The following SLC22A8 variants were observed in gnomAD, a reference collection of about 807,000 sequenced individuals.
SLC22A8 encodes organic anion transporter 3.
A neutral mutation model predicts 48.4 loss-of-function variants in SLC22A8; 40 were observed. The observed-to-expected ratio is 0.83, with a 90% CI of 0.64 to 1.08. The LOEUF (loss-of-function observed/expected upper bound fraction) is 1.08. SLC22A8 is among the 50% of genes least tolerant of loss of function. The probability of loss-of-function intolerance (pLI) is 0.00; values close to 1 mark genes in which losing one functional copy is unlikely to be tolerated. For missense variants in SLC22A8, 606 were observed against 699.0 expected (o/e 0.87, Z 1.50); for synonymous variants, 268 against 286.3 (o/e 0.94, Z 0.65).
In SLC22A8 at chr11:62,995,974, G is replaced by A. The variant is rs748295497; in HGVS notation, c.885+55C>T. 5.0e-6 allele frequency: 8 copies of A among 1,612,516 alleles called. 1 individual carries two copies. In the East Asian group the frequency reaches 6.7e-5, roughly 13 times the overall value. On this transcript the variant is annotated intron_variant, in intron 6 of 10. Transcript: ENST00000336232. ...GGAACAGAGGCAAGGGGAGGGGCCA[G>A]CCCAAGAGTGGAGCACAGGGGTTCT...
chr11:63,007,994 C>T (rs889132008), intron 2 of SLC22A8, among the ~76,000 whole-genome samples: 1 of 152,200 alleles, frequency 6.6e-6, no homozygotes, highest in African/African-American at 2.4e-5. Flanking sequence ...CTTGATGCCT[C>T]CCTGCGTGCC....
chr11:63,014,682 C>T lies in SLC22A8; in HGVS notation c.277G>A (p.Glu93Lys), dbSNP rs769406017. ...SLPNDTQRAM[E>K]PCLDGWVYNS... ...TAGACCCAGCCATCCAGGCATGGCT[C>T]CATGGCCCTCTGGGTGTCATTGGGC... Residue 93 changes from glutamate to lysine, a missense_variant, in exon 2 of 11, where the codon GAG (glutamate) becomes AAG (lysine). Transcript: ENST00000336232. The T allele has an allele frequency of 6.2e-7, 1 of 1,613,234 alleles. No homozygotes were observed. The highest frequency in any genetic ancestry group is 1.1e-5 in the South Asian group (1 of 90,980).
At position 62,994,671 on chromosome 11, in the gene SLC22A8, C is replaced by T. The variant is rs2086388736; in HGVS notation, c.1087G>A (p.Gly363Ser). ...VNLYILQIIFGGVDVPAKFIT... is the reference protein window; with the variant it reads ...VNLYILQIIFSGVDVPAKFIT... ...AACTTGGCTGGGACATCGACCCCAC[C>T]AAAGATGATCTGGAGGATGTAGAGG... The change falls in exon 8 of 11, where the codon GGT (glycine) becomes AGT (serine). Residue 363 changes from glycine (G) to serine (S), a missense_variant. Coordinates refer to ENST00000336232, the MANE Select transcript of SLC22A8 (RefSeq NM_004254.4). The T allele has an allele frequency of 1.2e-6, 2 of 1,614,230 alleles. No individual in the cohort carries two copies. The highest frequency in any genetic ancestry group is 1.7e-6 in the Non-Finnish European group (2 of 1,180,042).
intron 2 of SLC22A8, among the ~76,000 whole-genome samples, chr11:63,010,932 T>G (rs560839008): frequency 6.6e-6 from 1 of 152,298 alleles, no homozygotes; most frequent in Admixed American, 6.5e-5. Context: ...TCTACATCCC[T>G]CCCGTCTGTC....
Position 62,993,198 on chromosome 11 carries a change from T to C in SLC22A8, c.*39A>G, listed in dbSNP as rs1314201333. 1 of 1,517,774 alleles carries C rather than the reference T, an allele frequency of 6.6e-7. No individual in the cohort carries two copies. 94.0% of individuals were successfully genotyped at this position (1,517,774 alleles called of 1,614,324 possible). A position where few individuals can be genotyped will look rare whatever the true frequency, so the allele number is the denominator to read the frequency against. On this transcript the variant is annotated 3_prime_UTR_variant, in exon 11 of 11. Coordinates refer to ENST00000336232, the MANE Select transcript of SLC22A8 (RefSeq NM_004254.4). ...ATACTCCTAAGGTGCCTGGCTAGGA[T>C]CAGTCTCTGGAGGGCAGGGAAAGGG...
intron 2 of SLC22A8, among the ~76,000 whole-genome samples, chr11:63,004,483 C>CT (rs1269719306): frequency 6.6e-6 from 1 of 152,278 alleles, no homozygotes; most frequent in East Asian, 1.9e-4. Context: ...ATGTTGTTCT[C>CT]TTTTTCTAGA....
intron 7 of SLC22A8, chr11:62,995,246 A>C: frequency 4.1e-6 from 1 of 241,684 alleles, no homozygotes; most frequent in Non-Finnish European, 8.1e-6. Flanking sequence ...ACCAGGTCAC[A>C]GAAAGGGCTT....
intron 3 of SLC22A8, 99 bp downstream of exon 3, chr11:63,000,621 C>A: frequency 1.2e-6 from 1 of 819,606 alleles, no homozygotes; most frequent in East Asian, 2.6e-5. Context: ...CCCACCCTCC[C>A]CCAGCTCTTT....
At chr11:62,997,632 C>G (rs1265614406) in intron 5 of SLC22A8, among the ~76,000 whole-genome samples, 1 of 152,232 alleles carries the variant, frequency 6.6e-6, no homozygotes, top group African/African-American at 2.4e-5. Context: ...TATTTTGCCT[C>G]CTGACTCTGA....
intron 2 of SLC22A8, among the ~76,000 whole-genome samples, chr11:63,014,244 G>A (rs1253320128): frequency 6.6e-6 from 1 of 152,138 alleles, no homozygotes; most frequent in African/African-American, 2.4e-5. Context: ...CCAGAGGTCG[G>A]TCATAGTGCA....
At position 62,995,456 on chromosome 11, in the gene SLC22A8, C is replaced by T. The variant is rs1293894418; in HGVS notation, c.1001+248G>A. On this transcript the variant is annotated intron_variant, in intron 7 of 10. Coordinates refer to ENST00000336232, the MANE Select transcript of SLC22A8 (RefSeq NM_004254.4). ...TGTGAGCTGGGGAAGGGGCCTGGAA[C>T]ATTTGTCCTGTGGGTGAGGGGTGGG... is the stretch of plus-strand genomic sequence containing the variant. The T allele has an allele frequency of 1.1e-5, 6 of 550,012 alleles. No homozygotes were observed. In the South Asian group the frequency reaches 1.1e-4, roughly 10 times the overall value. 34.1% of individuals were successfully genotyped at this position (550,012 alleles called of 1,614,324 possible).
At chr11:63,007,840 A>G (rs1420606043) in intron 2 of SLC22A8, among the ~76,000 whole-genome samples, 1 of 152,188 alleles carries the variant, frequency 6.6e-6, no homozygotes, top group Non-Finnish European at 1.5e-5. Context: ...AGTAGGTACT[A>G]TTGTTATCTC....
At chr11:63,009,185 G>A (rs542937013) in intron 2 of SLC22A8, among the ~76,000 whole-genome samples, 2 of 152,170 alleles carry the variant, frequency 1.3e-5, no homozygotes, top group South Asian at 4.1e-4. Context: ...AAGCAGAAGT[G>A]CTGCTGGAGA....
chr11:62,993,842 C>T lies in SLC22A8; in HGVS notation c.1253G>A (p.Gly418Glu). The T allele has an allele frequency of 1.2e-6, 2 of 1,613,724 alleles. No individual in the cohort carries two copies. The highest frequency in any genetic ancestry group is 1.7e-6 in the Non-Finnish European group (2 of 1,179,624). Residue 418 changes from glycine (G) to glutamate (E), a missense_variant, in exon 9 of 11, where the codon GGG (glycine) becomes GAG (glutamate). By Grantham distance (98) the Gly-to-Glu change is moderately conservative (BLOSUM62 -2). Transcript: ENST00000336232. ...GAAGGAGCTGGATAGGCATCCCTTC[C>T]CAAACACAGCCAATACTGTCCTCAC... ...QTVRTVLAVF[G>E]KGCLSSSFSC...
Position 62,995,731 on chromosome 11 carries a change from C to A in SLC22A8, c.974G>T (p.Arg325Leu). Residue 325 changes from arginine to leucine, a missense_variant, in exon 7 of 11, where the codon CGC becomes CTC. Physicochemically the swap from Arg to Leu is moderately radical, Grantham distance 102. Transcript: ENST00000336232. ...SDLFRIPMLRRMTFCLSLAWF... is the reference protein window; with the variant it reads ...SDLFRIPMLRLMTFCLSLAWF... ...GGCCAGGGAAAGACAGAAGGTCATG[C>A]GGCGCAGCATGGGTATCCGGAACAG... The A allele has an allele frequency of 1.2e-6, 2 of 1,613,836 alleles. No homozygotes were observed. Among genetic ancestry groups the A allele is most frequent in the Non-Finnish European group, 1.7e-6 (2 of 1,179,784 alleles).
intron 5 of SLC22A8, among the ~76,000 whole-genome samples, chr11:62,996,824 A>G (rs1000713569): frequency 3.9e-5 from 6 of 152,234 alleles, no homozygotes; most frequent in African/African-American, 1.4e-4. Context: ...GGATAAGAGG[A>G]AAGGAAGAGG....
At chr11:63,009,653 C>T (rs1276911111) in intron 2 of SLC22A8, among the ~76,000 whole-genome samples, 1 of 152,170 alleles carries the variant, frequency 6.6e-6, no homozygotes, top group Non-Finnish European at 1.5e-5. Context: ...AAAATCCTGA[C>T]CTTCTCTGCT....
At chr11:62,999,610 C>T in intron 4 of SLC22A8, 78 bp downstream of exon 4, 1 of 1,267,536 alleles carries the variant, frequency 7.9e-7, no homozygotes, top group Non-Finnish European at 1.1e-6. Flanking sequence ...TGTGGTTGAG[C>T]CAGACCCAGA....
At position 62,994,751 on chromosome 11, in the gene SLC22A8, G is replaced by A. The variant is rs1193995434; in HGVS notation, c.1007C>T (p.Ala336Val). 2 of 1,613,990 alleles carry A rather than the reference G, an allele frequency of 1.2e-6. No individual in the cohort carries two copies. Among genetic ancestry groups the A allele is most frequent in the East Asian group, 2.2e-5 (1 of 44,892 alleles). Residue 336 changes from alanine (A) to valine (V), a missense_variant, in exon 8 of 11, where the codon GCT becomes GTT. Transcript: ENST00000336232. ...CAAACTATAGTAGGCAAAACCGGTAGCAAACCTGAGAGGCAGAGAAGGATT... is the reference window on the plus strand; with the variant it reads ...CAAACTATAGTAGGCAAAACCGGTAACAAACCTGAGAGGCAGAGAAGGATT... Reference protein sequence around the residue: ...MTFCLSLAWFATGFAYYSLAM... With the variant: ...MTFCLSLAWFVTGFAYYSLAM...
Sources: allele counts gnomAD v4.1 joint callset (sites outside exome capture counted in the v4.1 genomes callset), GRCh38; gene constraint gnomAD v4.1.1; transcripts MANE v1.5; gene names NCBI Gene and HGNC (gene_info 2026-07-23, HGNC 2026-07-21).